Variants in DLC1 observed in about 807,000 individuals in gnomAD.
DLC1 encodes the protein DLC1 Rho GTPase activating protein.
A neutral mutation model predicts 140.3 loss-of-function variants in DLC1; 54 were observed. The observed-to-expected ratio is 0.38, with a 90% CI of 0.31 to 0.48. The LOEUF (loss-of-function observed/expected upper bound fraction) is 0.48, where lower values mean the gene tolerates loss of function less well. Among genes scored for constraint, DLC1 ranks in the 20% least tolerant of loss-of-function variants. The probability of loss-of-function intolerance (pLI) is 0.96; values close to 1 mark genes in which losing one functional copy is unlikely to be tolerated. For missense variants in DLC1, 2,536 were observed against 1,907.0 expected, an observed-to-expected ratio of 1.33 and a Z score of -6.14; for synonymous variants, 986 against 728.1, an observed-to-expected ratio of 1.35 and a Z score of -5.70.
At chr8:13,506,608 T>TAC (rs1554534372) in intron 1 of DLC1, among the ~76,000 whole-genome samples, 27 of 137,914 alleles carry the variant, frequency 2.0e-4, no homozygotes, top group African/African-American at 7.5e-4. Context: ...TATATATATA[T>TAC]ACACATATAT....
chr8:13,501,530 C>G (rs887491014), intron 1 of DLC1, among the ~76,000 whole-genome samples: 2 of 152,192 alleles, frequency 1.3e-5, no homozygotes, highest in South Asian at 2.1e-4. Flanking sequence ...AACTGCTATA[C>G]TGATTTTCGA....
At chr8:13,404,534 A>G (rs1264769667) in intron 2 of DLC1, among the ~76,000 whole-genome samples, 2 of 152,222 alleles carry the variant, frequency 1.3e-5, no homozygotes, top group Non-Finnish European at 2.9e-5. Context: ...TAGTCAACAT[A>G]ATAACATACT....
At chr8:13,435,568 C>T (rs574560328) in intron 2 of DLC1, among the ~76,000 whole-genome samples, 1 of 152,302 alleles carries the variant, frequency 6.6e-6, no homozygotes, top group East Asian at 1.9e-4. Flanking sequence ...CCCGCCTCGG[C>T]CTCCCAAAGT....
At chr8:13,592,850 G>C (rs1163530056) in intron 1 of DLC1, among the ~76,000 whole-genome samples, 2 of 152,060 alleles carry the variant, frequency 1.3e-5, no homozygotes, top group Non-Finnish European at 2.9e-5. Flanking sequence ...CACACATTTT[G>C]CCATGTTAGC....
intron 2 of DLC1, among the ~76,000 whole-genome samples, chr8:13,477,788 C>T (rs1800504344): frequency 6.6e-6 from 1 of 151,984 alleles, no homozygotes; most frequent in Non-Finnish European, 1.5e-5. Context: ...GAAATCATAT[C>T]CTAACCACCC....
chr8:13,446,017 A>G (rs529318876), intron 2 of DLC1, among the ~76,000 whole-genome samples: 1 of 152,326 alleles, frequency 6.6e-6, no homozygotes, highest in Admixed American at 6.5e-5. Context: ...AATAGTGATC[A>G]GCTCACGGGC....
intron 1 of DLC1, chr8:13,583,745 G>A (rs1271089833): frequency 4.6e-5 from 7 of 152,268 alleles, no homozygotes; most frequent in Non-Finnish European, 5.9e-5. Flanking sequence ...TAGAGAGTCG[G>A]TGTCTCTGAG....
At chr8:13,466,678 G>T (rs917221509) in intron 2 of DLC1, among the ~76,000 whole-genome samples, 3 of 152,090 alleles carry the variant, frequency 2.0e-5, no homozygotes, top group African/African-American at 7.2e-5. Context: ...TGTACTAAGA[G>T]AAACTACGAC....
At chr8:13,402,026 T>G (rs1345417815) in intron 2 of DLC1, among the ~76,000 whole-genome samples, 3 of 152,180 alleles carry the variant, frequency 2.0e-5, no homozygotes, top group Non-Finnish European at 4.4e-5. Flanking sequence ...TGAGATTATA[T>G]TTTTGGAAGA....
intron 2 of DLC1, among the ~76,000 whole-genome samples, chr8:13,449,571 C>CA (rs1253882246): frequency 7.3e-6 from 1 of 136,180 alleles, no homozygotes; most frequent in Non-Finnish European, 1.5e-5. Flanking sequence ...ATCGCAAGGA[C>CA]AAAAAACCAA....
intron 3 of DLC1, among the ~76,000 whole-genome samples, chr8:13,400,981 G>C (rs1837267075): frequency 6.6e-6 from 1 of 152,130 alleles, no homozygotes; most frequent in African/African-American, 2.4e-5. Context: ...GTGAATTTTA[G>C]AGTTTTCCCA....
At position 13,098,429 on chromosome 8, in the gene DLC1, T is replaced by C; in HGVS notation, c.3137A>G (p.Tyr1046Cys). 3 of 1,614,166 alleles carry C rather than the reference T, an allele frequency of 1.9e-6. No homozygotes were observed. The highest frequency in any genetic ancestry group is 1.7e-6 in the Non-Finnish European group (2 of 1,180,018). ...AAAACCATGCTTGTTAGAAGGTGTG[T>C]ATTTCTCCAGCAGGGCCGTTAGCTT... ...LLKLTALLEK[Y>C]TPSNKHGFSW... The change falls in exon 10 of 18, where the codon TAC (tyrosine) becomes TGC (cysteine). Residue 1046 changes from tyrosine (Y) to cysteine (C), a missense_variant. Coordinates refer to ENST00000276297, the MANE Select transcript of DLC1 (RefSeq NM_182643.3).
chr8:13,168,954 G>A (rs1282153316), intron 5 of DLC1, among the ~76,000 whole-genome samples: 1 of 152,178 alleles, frequency 6.6e-6, no homozygotes, highest in African/African-American at 2.4e-5. Context: ...CATAATGTTA[G>A]GGGGAGCACA....
chr8:13,524,110 TA>T (rs1341759221), intron 1 of DLC1, among the ~76,000 whole-genome samples: 47 of 8,076 alleles, frequency 5.8e-3, no homozygotes, highest in African/African-American at 0.01. Flanking sequence ...CTATTCTATT[TA>T]TTATTATTAT....
chr8:13,583,495 C>A (rs139230841), intron 1 of DLC1, among the ~76,000 whole-genome samples: 2 of 152,262 alleles, frequency 1.3e-5, no homozygotes, highest in Non-Finnish European at 2.9e-5. Flanking sequence ...ATCATATCTG[C>A]GACAACTTCC....
intron 1 of DLC1, among the ~76,000 whole-genome samples, chr8:13,585,802 C>G (rs1346792551): frequency 6.6e-6 from 1 of 152,112 alleles, no homozygotes; most frequent in Admixed American, 6.5e-5. Context: ...CCAAATTTTC[C>G]CTCTTCATAG....
chr8:13,340,130 G>C (rs1833974709), intron 4 of DLC1: 1 of 152,310 alleles, frequency 6.6e-6, no homozygotes, highest in African/African-American at 2.4e-5. Flanking sequence ...CCGGAATGAA[G>C]TCCAGGAGAA....
intron 2 of DLC1, among the ~76,000 whole-genome samples, chr8:13,487,729 T>A (rs979490687): frequency 3.9e-5 from 6 of 152,058 alleles, no homozygotes; most frequent in Non-Finnish European, 7.4e-5. Context: ...CCCACCACCA[T>A]GTCCGGCTAA....
intron 2 of DLC1, among the ~76,000 whole-genome samples, chr8:13,477,523 T>C (rs1185055010): frequency 6.6e-6 from 1 of 152,222 alleles, no homozygotes; most frequent in East Asian, 1.9e-4. Flanking sequence ...CTGGGAAATA[T>C]GATCTACATT....
Sources: gnomAD v4.1 joint callset for allele counts (sites outside exome capture counted in the v4.1 genomes callset) on GRCh38, gnomAD v4.1.1 for gene constraint, MANE v1.5 for transcripts, NCBI Gene and HGNC (gene_info 2026-07-23, HGNC 2026-07-21) for gene names.